Variants in KIFBP observed in about 807,000 individuals in gnomAD.
The protein encoded by KIFBP is kinesin family binding protein, also known as KIF-binding protein.
KIFBP carries 46 observed loss-of-function variants against 58.9 expected under a neutral mutation model. That is an observed-to-expected ratio of 0.78 (90% CI 0.62 to 1.00). The LOEUF (loss-of-function observed/expected upper bound fraction) is 1.00, where lower values mean the gene tolerates loss of function less well. Ranked by LOEUF, KIFBP falls within the 50% of genes least tolerant of loss-of-function variation. The probability of loss-of-function intolerance (pLI) is 0.00; values close to 1 mark genes in which losing one functional copy is unlikely to be tolerated. For synonymous variants in KIFBP, 241 were observed against 283.4 expected, an observed-to-expected ratio of 0.85 and a Z score of 1.50; for missense variants, 651 against 752.9, an observed-to-expected ratio of 0.86 and a Z score of 1.58.
intron 6 of KIFBP, among the ~76,000 whole-genome samples, chr10:69,012,525 T>TA (rs1455934305): frequency 2.6e-5 from 4 of 152,120 alleles, no homozygotes; most frequent in Non-Finnish European, 4.4e-5. Flanking sequence ...TTTTTTTTTT[T>TA]ACATGGGACT....
rs1323007155 is a variant in KIFBP, at chr10:68,991,932, A to G, written c.426+2674A>G. Among the ~76,000 whole-genome samples, 4 of 151,344 alleles carry G rather than the reference A, an allele frequency of 2.6e-5. No homozygotes were observed. In the South Asian group the frequency reaches 6.3e-4, roughly 24 times the overall value. ...CTTTTTTTTGTCTTAGGCAAAGTTT[A>G]GACTGTTCGTATGATGATACACTTT... On this transcript the variant is annotated intron_variant, in intron 1 of 6. Coordinates refer to ENST00000361983, the MANE Select transcript of KIFBP (RefSeq NM_015634.4).
In KIFBP at chr10:69,006,105, T is replaced by C. The variant is rs975327147; in HGVS notation, c.789+190T>C. ...GTAGCTTTTTGTTGTATGAATTATT[T>C]TGAGTTTTAAAATACCGAGTTTTAT... On this transcript the variant is annotated intron_variant, in intron 4 of 6. Coordinates refer to ENST00000361983, the MANE Select transcript of KIFBP (RefSeq NM_015634.4). The C allele has an allele frequency of 1.0e-5, 6 of 593,092 alleles. No homozygotes were observed. In the South Asian group the frequency reaches 1.1e-4, roughly 11 times the overall value. 36.7% of individuals were successfully genotyped at this position (593,092 alleles called of 1,614,324 possible). A position where few individuals can be genotyped will look rare whatever the true frequency, so the allele number is the denominator to read the frequency against.
Position 68,989,601 on chromosome 10 carries a change from T to C in KIFBP, c.426+343T>C, listed in dbSNP as rs1843318409. The C allele has an allele frequency of 8.3e-6, 3 of 361,938 alleles. No individual in the cohort carries two copies. The East Asian group carries it at 1.5e-4, about 18-fold the overall frequency. The allele number at this position is 361,938 out of a possible 1,614,324, so 22.4% of individuals were successfully genotyped here. A position where few individuals can be genotyped will look rare whatever the true frequency, so the allele number is the denominator to read the frequency against. ...GCGCTTTCCTCTCCACCAGTCCAAC[T>C]CCTGTTCATTCTGTTAAGAAAATCC... On this transcript the variant is annotated intron_variant, in intron 1 of 6. Transcript: ENST00000361983.
At chr10:68,990,541 C>G (rs904037271) in intron 1 of KIFBP, among the ~76,000 whole-genome samples, 1 of 152,050 alleles carries the variant, frequency 6.6e-6, no homozygotes, top group Admixed American at 6.6e-5. Context: ...GACCTTTTCT[C>G]AACAACAACA....
chr10:68,993,268 G>A (rs1437506613), intron 1 of KIFBP, among the ~76,000 whole-genome samples: 3 of 151,996 alleles, frequency 2.0e-5, no homozygotes, highest in Admixed American at 6.6e-5. Flanking sequence ...CATGTTCCTG[G>A]TATGACCTGG....
chr10:69,004,511 G>T (rs1843510251), intron 2 of KIFBP, among the ~76,000 whole-genome samples: 1 of 152,082 alleles, frequency 6.6e-6, no homozygotes, highest in African/African-American at 2.4e-5. Context: ...TTGACATTTG[G>T]TTAAAACAAA....
chr10:69,003,126 G>A (rs1395553144), intron 2 of KIFBP, among the ~76,000 whole-genome samples: 3 of 151,454 alleles, frequency 2.0e-5, no homozygotes, highest in Non-Finnish European at 4.4e-5. Flanking sequence ...AACACATATA[G>A]TGAAATTCCT....
Position 69,010,857 on chromosome 10 carries a change from C to T in KIFBP, c.875-43C>T, listed in dbSNP as rs139568173. ...AAATTACAGTACCCAATGAAAATTA[C>T]AGTTGTGACCATTAACTTAAACAAA... On this transcript the variant is annotated intron_variant, in intron 5 of 6. Coordinates refer to ENST00000361983, the MANE Select transcript of KIFBP (RefSeq NM_015634.4). 51 of 1,276,944 alleles carry T rather than the reference C, an allele frequency of 4.0e-5. No individual in the cohort carries two copies. The East Asian group carries it at 9.7e-4, about 24-fold the overall frequency. The allele number at this position is 1,276,944 out of a possible 1,614,324, so 79.1% of individuals were successfully genotyped here.
Position 69,016,126 on chromosome 10 carries a change from G to C in KIFBP, c.1576G>C (p.Asp526His). ...CCAGCTCTTCTTAGACTCCCTGAGA[G>C]ACCCAAATAAAGTATTCCCTGAGCA... ...YYQLFLDSLR[D>H]PNKVFPEHIG... is the part of the protein sequence containing the mutation. The change falls in exon 7 of 7, where the codon GAC (aspartate) becomes CAC (histidine). Residue 526 changes from aspartate (D) to histidine (H), a missense_variant. Coordinates refer to ENST00000361983, the MANE Select transcript of KIFBP (RefSeq NM_015634.4). The C allele has an allele frequency of 6.2e-7, 1 of 1,614,180 alleles. No homozygotes were observed. The highest frequency in any genetic ancestry group is 8.5e-7 in the Non-Finnish European group (1 of 1,180,034).
chr10:69,010,608 A>G (rs1474910862), intron 5 of KIFBP, among the ~76,000 whole-genome samples: 1 of 152,260 alleles, frequency 6.6e-6, no homozygotes, highest in Non-Finnish European at 1.5e-5. Context: ...GTTAAATAAT[A>G]GAATATCTAT....
chr10:69,013,677 G>A (rs1843615974), intron 6 of KIFBP, among the ~76,000 whole-genome samples: 1 of 152,116 alleles, frequency 6.6e-6, no homozygotes, highest in Admixed American at 6.6e-5. Flanking sequence ...TTCTAGTCTG[G>A]GAACTTAAAA....
rs1839004959 is a variant in KIFBP, at chr10:69,016,276, T to C, written c.1726T>C (p.Tyr576His). 3 of 1,602,358 alleles carry C rather than the reference T, an allele frequency of 1.9e-6. No individual in the cohort carries two copies. The highest frequency in any genetic ancestry group is 2.6e-6 in the Non-Finnish European group (3 of 1,174,968). The part of the protein sequence containing the change: ...LENLATSLEH[Y>H]KFIVDYCEKH... The stretch of plus-strand genomic sequence containing the variant: ...AAATTTGGCAACATCATTGGAACAT[T>C]ACAAATTTATTGTTGATTACTGTGA... Residue 576 changes from tyrosine (Y) to histidine (H), a missense_variant, in exon 7 of 7, where the codon TAC becomes CAC. Tyr to His is a moderately conservative substitution (Grantham distance 83, BLOSUM62 2). Transcript: ENST00000361983.
intron 4 of KIFBP, 92 bp from the exon 5 acceptor site, chr10:69,008,749 A>G: frequency 3.1e-6 from 3 of 975,202 alleles, no homozygotes; most frequent in East Asian, 2.4e-5. Flanking sequence ...CTGATTTTAT[A>G]CCTTTTCCCA....
At position 69,008,377 on chromosome 10, in the gene KIFBP, T is replaced by TAAAAA. The variant is rs1211667916; in HGVS notation, c.790-453_790-449dup. Among the ~76,000 whole-genome samples the TAAAAA allele has an allele frequency of 6.2e-4, 47 of 75,394 alleles. 1 individual carries two copies. Among genetic ancestry groups the TAAAAA allele is most frequent in the African/African-American group, 3.7e-3 (44 of 11,986 alleles). 49.5% of individuals were successfully genotyped at this position (75,394 alleles called of 152,430 possible). ...GGGCCAGAGTGAGACCCCTGTCTCGTAAAAAAAAAAAAAAATATATATATA... is the reference window on the plus strand; with the variant it reads ...GGGCCAGAGTGAGACCCCTGTCTCGTAAAAAAAAAAAAAAAAAAAATATATATATA... On this transcript the variant is annotated intron_variant, in intron 4 of 6. Transcript: ENST00000361983.
chr10:69,002,240 A>G (rs905930154), intron 2 of KIFBP, among the ~76,000 whole-genome samples: 2 of 147,510 alleles, frequency 1.4e-5, no homozygotes, highest in Non-Finnish European at 1.5e-5. Flanking sequence ...GCTCACTGCA[A>G]CCTCCACCTC....
intron 4 of KIFBP, among the ~76,000 whole-genome samples, chr10:69,008,318 G>A (rs1158889611): frequency 6.9e-6 from 1 of 144,970 alleles, no homozygotes; most frequent in Non-Finnish European, 1.5e-5. Flanking sequence ...TGAGGCTGCA[G>A]TGAACTATGA....
At chr10:68,990,443 G>T (rs1436891840) in intron 1 of KIFBP, among the ~76,000 whole-genome samples, 1 of 152,028 alleles carries the variant, frequency 6.6e-6, no homozygotes, top group Non-Finnish European at 1.5e-5. Flanking sequence ...TAGCTACTGG[G>T]GAGGCTAGGT....
At chr10:68,996,141 G>C (rs1246840182) in intron 1 of KIFBP, among the ~76,000 whole-genome samples, 1 of 144,914 alleles carries the variant, frequency 6.9e-6, no homozygotes, top group Non-Finnish European at 1.5e-5. Context: ...CTGGGCAACA[G>C]AGCAAGACTC....
At chr10:69,006,405 A>T (rs760095234) in intron 4 of KIFBP, among the ~76,000 whole-genome samples, 4 of 152,226 alleles carry the variant, frequency 2.6e-5, no homozygotes, top group Non-Finnish European at 5.9e-5. Flanking sequence ...GCTGAGTTCC[A>T]AAGTTCTAGG....
Sources: allele counts gnomAD v4.1 joint callset (sites outside exome capture counted in the v4.1 genomes callset), GRCh38; gene constraint gnomAD v4.1.1; transcripts MANE v1.5; gene names NCBI Gene and HGNC (gene_info 2026-07-23, HGNC 2026-07-21).